NRXN3: variants seen among roughly 807,000 people sequenced by gnomAD.
The protein encoded by NRXN3 is neurexin 3.
In NRXN3, 32 loss-of-function variants were observed where a neutral mutation model predicts 137.6. The ratio of observed to expected loss-of-function variants is 0.23; its 90% CI spans 0.18 to 0.31. The LOEUF is 0.31. NRXN3 is among the 10% of genes least tolerant of loss of function. The pLI is 1.00. For synonymous variants in NRXN3, 798 were observed against 784.5 expected, an observed-to-expected ratio of 1.02 and a Z score of -0.29; for missense variants, 1,574 against 2,062.5, an observed-to-expected ratio of 0.76 and a Z score of 4.59.
chr14:79,183,693 A>G (rs1276870978), intron 15 of NRXN3, among the ~76,000 whole-genome samples: 1 of 152,206 alleles, frequency 6.6e-6, no homozygotes, highest in African/African-American at 2.4e-5. Flanking sequence ...CATAATGGCT[A>G]TGTCTCTTAC....
At chr14:78,353,670 T>C (rs1276984306) in intron 4 of NRXN3, among the ~76,000 whole-genome samples, 2 of 152,182 alleles carry the variant, frequency 1.3e-5, no homozygotes, top group Non-Finnish European at 2.9e-5. Flanking sequence ...TCCCTTCCTC[T>C]GGTGGCTTGA....
intron 15 of NRXN3, among the ~76,000 whole-genome samples, chr14:79,159,844 A>G (rs1292621271): frequency 2.0e-5 from 3 of 151,892 alleles, no homozygotes; most frequent in Admixed American, 6.6e-5. Context: ...AAGTTAGTAC[A>G]AGTTTATTTT....
At chr14:79,538,523 T>C (rs1487817170) in intron 16 of NRXN3, among the ~76,000 whole-genome samples, 1 of 152,206 alleles carries the variant, frequency 6.6e-6, no homozygotes, top group Non-Finnish European at 1.5e-5. Flanking sequence ...TACATATGGC[T>C]AGCCAGTTTT....
intron 10 of NRXN3, among the ~76,000 whole-genome samples, chr14:78,856,957 T>A (rs1347858378): frequency 6.6e-6 from 1 of 152,140 alleles, no homozygotes; most frequent in Non-Finnish European, 1.5e-5. Context: ...GGCCTCAAAC[T>A]CCTCACCTCA....
chr14:78,701,533 T>G (rs1423046851), intron 6 of NRXN3, among the ~76,000 whole-genome samples: 1 of 152,174 alleles, frequency 6.6e-6, no homozygotes. Context: ...TTTTGCTACT[T>G]CAACGTCAGT....
intron 15 of NRXN3, among the ~76,000 whole-genome samples, chr14:79,192,120 C>T (rs1326871136): frequency 6.6e-6 from 1 of 152,182 alleles, no homozygotes; most frequent in African/African-American, 2.4e-5. Context: ...AACTCCTGAC[C>T]TTGTGATCTG....
chr14:78,837,029 C>T (rs2098999085), intron 10 of NRXN3, among the ~76,000 whole-genome samples: 1 of 152,140 alleles, frequency 6.6e-6, no homozygotes, highest in South Asian at 2.1e-4. Flanking sequence ...ACCCACATCG[C>T]CACCTACTGT....
At chr14:78,848,579 C>T (rs1159879122) in intron 10 of NRXN3, among the ~76,000 whole-genome samples, 1 of 152,112 alleles carries the variant, frequency 6.6e-6, no homozygotes, top group African/African-American at 2.4e-5. Flanking sequence ...ATCGATGCAT[C>T]TGCTACTCCA....
At chr14:78,194,240 G>C (rs906849635) in intron 1 of NRXN3, among the ~76,000 whole-genome samples, 2 of 152,218 alleles carry the variant, frequency 1.3e-5, no homozygotes, top group African/African-American at 4.8e-5. Flanking sequence ...GTGTTTGAGA[G>C]TACAGGACTG....
rs931884326 is a variant in NRXN3, at chr14:78,714,800, G to A, written c.1705G>A (p.Gly569Arg). 1.9e-6 allele frequency: 3 copies of A among 1,614,046 alleles called. No homozygotes were observed. Among genetic ancestry groups the A allele is most frequent in the African/African-American group, 2.7e-5 (2 of 74,934 alleles). The change falls in exon 8 of 21, where the codon GGG becomes AGG. Residue 569 changes from glycine (G) to arginine (R), a missense_variant. Coordinates refer to ENST00000335750, the MANE Select transcript of NRXN3 (RefSeq NM_001330195.2). ...CAGGCGCACGCCATTCACCGCCAGT[G>A]GGGAGAGCGAGATCCTGGACCTGGA... ...NSRRTPFTAS[G>R]ESEILDLEGD...
intron 4 of NRXN3, among the ~76,000 whole-genome samples, chr14:78,419,562 C>G (rs1179164516): frequency 6.6e-6 from 1 of 152,090 alleles, no homozygotes; most frequent in Non-Finnish European, 1.5e-5. Context: ...CCATCCAGAT[C>G]TCCCTCTCAT....
intron 15 of NRXN3, among the ~76,000 whole-genome samples, chr14:79,132,285 A>G (rs950414935): frequency 6.6e-6 from 1 of 152,246 alleles, no homozygotes; most frequent in African/African-American, 2.4e-5. Flanking sequence ...GGATATATGA[A>G]TTACTTTTTC....
At chr14:78,987,571 C>CT (rs1408897665) in intron 14 of NRXN3, among the ~76,000 whole-genome samples, 3 of 151,910 alleles carry the variant, frequency 2.0e-5, no homozygotes, top group Non-Finnish European at 2.9e-5. Flanking sequence ...CATTAAACAT[C>CT]TTTTTTTATG....
At chr14:79,625,901 T>G (rs762578067) in intron 16 of NRXN3, among the ~76,000 whole-genome samples, 10 of 152,230 alleles carry the variant, frequency 6.6e-5, no homozygotes, top group Non-Finnish European at 1.2e-4. Context: ...ACCCATAGTT[T>G]CTTTATCTAG....
rs2099413748 is a variant in NRXN3, at chr14:79,861,480, G to A, written c.4232G>A (p.Arg1411His). The change falls in exon 21 of 21, where the codon CGC (arginine) becomes CAC (histidine). Residue 1411 changes from arginine (R) to histidine (H), a missense_variant. Transcript: ENST00000335750. The surrounding 1 kb of genome is among the most constrained non-coding windows in gnomAD (Gnocchi z 5.4). ...ACATCTTTATCCCCTGAGCTGATCC[G>A]CTTCACAGCTTCCTCCTCGTCTGGG... ...TTTSLSPELI[R>H]FTASSSSGMV... 14 of 1,537,556 alleles carry A rather than the reference G, an allele frequency of 9.1e-6. No individual in the cohort carries two copies. Among genetic ancestry groups the A allele is most frequent in the Admixed American group, 2.0e-5 (1 of 50,988 alleles).
At chr14:78,778,670 C>CTT (rs1567283892) in intron 8 of NRXN3, among the ~76,000 whole-genome samples, 1 of 139,506 alleles carries the variant, frequency 7.2e-6, no homozygotes, top group East Asian at 2.3e-4. Flanking sequence ...CTTTTCTTTT[C>CTT]TCTTTTCTTT....
chr14:79,149,197 C>T (rs994840453), intron 15 of NRXN3, among the ~76,000 whole-genome samples: 8 of 152,038 alleles, frequency 5.3e-5, no homozygotes, highest in South Asian at 2.1e-4. Flanking sequence ...TGTGGGGATG[C>T]GAGGGAAGCC....
chr14:79,401,819 C>T (rs935286158), intron 15 of NRXN3, among the ~76,000 whole-genome samples: 6 of 148,334 alleles, frequency 4.0e-5, no homozygotes, highest in Non-Finnish European at 5.9e-5. Flanking sequence ...TGAATAAGTA[C>T]GTGTAAACTG....
intron 19 of NRXN3, among the ~76,000 whole-genome samples, chr14:79,733,400 C>A (rs957246847): frequency 6.6e-6 from 1 of 152,046 alleles, no homozygotes; most frequent in Admixed American, 6.6e-5. Flanking sequence ...TTTGGGAAAC[C>A]GTTTTAATAA....
Sources: allele counts gnomAD v4.1 joint callset (sites outside exome capture counted in the v4.1 genomes callset), GRCh38; gene constraint gnomAD v4.1.1; non-coding constraint Gnocchi (gnomAD v3.1); transcripts MANE v1.5; gene names NCBI Gene and HGNC (gene_info 2026-07-23, HGNC 2026-07-21).